The following EYA1 variants were observed in gnomAD, a reference collection of about 807,000 sequenced individuals.
EYA1 encodes the protein EYA transcriptional coactivator and phosphatase 1.
Under a neutral mutation model 82.0 loss-of-function variants are expected in EYA1, and 16 were observed. That is an observed-to-expected ratio of 0.20 (90% confidence interval 0.13 to 0.30). The LOEUF is 0.30. Ranked by LOEUF, EYA1 falls within the 10% of genes least tolerant of loss-of-function variation. EYA1 has a pLI of 1.00. For missense variants in EYA1, 633 were observed against 730.7 expected, an observed-to-expected ratio of 0.87 and a Z score of 1.54; for synonymous variants, 261 against 264.4, an observed-to-expected ratio of 0.99 and a Z score of 0.12.
chr8:71,442,997 C>A (rs1022184525), intron 2 of EYA1, among the ~76,000 whole-genome samples: 1 of 152,296 alleles, frequency 6.6e-6, no homozygotes, highest in South Asian at 2.1e-4. Flanking sequence ...ATACACCATA[C>A]AGCAAACATT....
chr8:71,213,079 A>T (rs1808723324), intron 16 of EYA1, among the ~76,000 whole-genome samples: 1 of 152,142 alleles, frequency 6.6e-6, no homozygotes, highest in Non-Finnish European at 1.5e-5. Flanking sequence ...AAAGAAAAAA[A>T]AAATTGCTGG....
At chr8:71,346,915 AT>A (rs1023139924) in intron 3 of EYA1, among the ~76,000 whole-genome samples, 19 of 152,130 alleles carry the variant, frequency 1.2e-4, no homozygotes, top group Middle Eastern at 3.4e-3. Context: ...TTATTTAACA[AT>A]TTTTTTTATT....
chr8:71,208,427 CA>C (rs1220135744), intron 17 of EYA1, among the ~76,000 whole-genome samples: 4 of 151,466 alleles, frequency 2.6e-5, no homozygotes, highest in Middle Eastern at 6.8e-3. Context: ...GACTCTTTCT[CA>C]AATAAAACAA....
chr8:71,346,401 CAT>C (rs1222655578), intron 3 of EYA1, among the ~76,000 whole-genome samples: 12 of 145,682 alleles, frequency 8.2e-5, no homozygotes, highest in Non-Finnish European at 1.2e-4. Flanking sequence ...CACACACACA[CAT>C]ACACACTTTT....
chr8:71,503,135 T>G (rs1298106151), intron 2 of EYA1, among the ~76,000 whole-genome samples: 1 of 152,140 alleles, frequency 6.6e-6, no homozygotes, highest in Admixed American at 6.5e-5. Context: ...TACAGGGGCC[T>G]TTCACTAAAT....
intron 2 of EYA1, among the ~76,000 whole-genome samples, chr8:71,489,444 A>G (rs998751312): frequency 1.3e-5 from 2 of 152,258 alleles, no homozygotes; most frequent in Non-Finnish European, 2.9e-5. Context: ...AAAAATAAAT[A>G]CAGAGATGCA....
intron 9 of EYA1, among the ~76,000 whole-genome samples, chr8:71,295,789 A>G (rs1356875188): frequency 6.6e-6 from 1 of 152,204 alleles, no homozygotes; most frequent in Non-Finnish European, 1.5e-5. Flanking sequence ...AACTTCATTC[A>G]TAACTGCCAG....
At chr8:71,338,678 T>C (rs527386176) in intron 3 of EYA1, among the ~76,000 whole-genome samples, 5 of 152,334 alleles carry the variant, frequency 3.3e-5, no homozygotes, top group African/African-American at 9.6e-5. Flanking sequence ...ATTTGATTAG[T>C]TATATTTTTC....
At chr8:71,288,134 C>A (rs1000510095) in intron 9 of EYA1, among the ~76,000 whole-genome samples, 1 of 152,084 alleles carries the variant, frequency 6.6e-6, no homozygotes, top group South Asian at 2.1e-4. Context: ...TTGGGGGAAG[C>A]ACAGGTGGAA....
intron 2 of EYA1, among the ~76,000 whole-genome samples, chr8:71,481,855 A>T (rs1810188216): frequency 6.6e-6 from 1 of 152,028 alleles, no homozygotes; most frequent in South Asian, 2.1e-4. Flanking sequence ...GAGGAGGAGG[A>T]GAGGAGGGGC....
At chr8:71,473,523 T>A (rs1283837489) in intron 2 of EYA1, among the ~76,000 whole-genome samples, 1 of 152,128 alleles carries the variant, frequency 6.6e-6, no homozygotes, top group Admixed American at 6.5e-5. Context: ...CCAGTTAGAA[T>A]GGTGATCATT....
intron 2 of EYA1, among the ~76,000 whole-genome samples, chr8:71,412,427 A>T (rs924694122): frequency 5.1e-5 from 3 of 59,254 alleles, no homozygotes; most frequent in Admixed American, 3.5e-4. Flanking sequence ...AAAATAAAAT[A>T]AAAAAAAGAA....
intron 1 of EYA1, among the ~76,000 whole-genome samples, chr8:71,540,094 T>A (rs1440776331): frequency 6.7e-6 from 1 of 149,588 alleles, no homozygotes; most frequent in Non-Finnish European, 1.5e-5. Flanking sequence ...AAATACAGAA[T>A]AGCTTTAAAC....
intron 11 of EYA1, among the ~76,000 whole-genome samples, chr8:71,259,355 C>T (rs562579350): frequency 2.0e-5 from 3 of 152,300 alleles, no homozygotes; most frequent in South Asian, 2.1e-4. Context: ...TCTGTCCTAA[C>T]TTCTCTTGCT....
intron 12 of EYA1, among the ~76,000 whole-genome samples, chr8:71,238,369 T>A (rs1204547472): frequency 1.3e-5 from 2 of 152,176 alleles, no homozygotes; most frequent in South Asian, 4.1e-4. Context: ...TCATTTCCCA[T>A]GTTTTGTCAA....
At chr8:71,396,628 T>C (rs1379526928) in intron 2 of EYA1, among the ~76,000 whole-genome samples, 1 of 152,258 alleles carries the variant, frequency 6.6e-6, no homozygotes, top group Non-Finnish European at 1.5e-5. Flanking sequence ...TCCTGAGTTC[T>C]AGTTTGATTG....
chr8:71,408,016 C>A (rs933281722), intron 2 of EYA1, among the ~76,000 whole-genome samples: 1 of 151,550 alleles, frequency 6.6e-6, no homozygotes, highest in South Asian at 2.1e-4. Context: ...AGACTAACAG[C>A]GGATCTCTCG....
At chr8:71,490,452 G>C (rs1296690510) in intron 2 of EYA1, among the ~76,000 whole-genome samples, 1 of 152,050 alleles carries the variant, frequency 6.6e-6, no homozygotes, top group Non-Finnish European at 1.5e-5. Context: ...AACTATAAAG[G>C]CTTTTACGAC....
At chr8:71,348,369 C>A (rs2129061147) in intron 3 of EYA1, among the ~76,000 whole-genome samples, 1 of 152,280 alleles carries the variant, frequency 6.6e-6, no homozygotes, top group South Asian at 2.1e-4. Flanking sequence ...ACATATCTCC[C>A]AGGAGGGAAC....
Sources: allele counts gnomAD v4.1 joint callset (sites outside exome capture counted in the v4.1 genomes callset), GRCh38; gene constraint gnomAD v4.1.1; transcripts MANE v1.5; gene names NCBI Gene and HGNC (gene_info 2026-07-23, HGNC 2026-07-21).